FBXL4: variants seen among roughly 807,000 people sequenced by gnomAD.
FBXL4 encodes the protein F-box and leucine rich repeat protein 4.
FBXL4 carries 40 observed loss-of-function variants against 58.9 expected under a neutral mutation model. That is an observed-to-expected ratio of 0.68 (90% CI 0.53 to 0.88). The LOEUF (loss-of-function observed/expected upper bound fraction) is 0.88. Ranked by LOEUF, FBXL4 falls within the 40% of genes least tolerant of loss-of-function variation. The pLI, the probability that FBXL4 is intolerant of heterozygous loss-of-function variation, is 0.00. For missense variants in FBXL4, 676 were observed against 734.4 expected, an observed-to-expected ratio of 0.92 and a Z score of 0.92; for synonymous variants, 263 against 265.5, an observed-to-expected ratio of 0.99 and a Z score of 0.09.
intron 1 of FBXL4, among the ~76,000 whole-genome samples, chr6:98,944,961 A>C (rs561859942): frequency 6.6e-6 from 1 of 152,266 alleles, no homozygotes; most frequent in East Asian, 1.9e-4. Flanking sequence ...ATTTTCTGCC[A>C]GTTTCCATGA....
At chr6:98,930,740 C>T (rs915307914) in intron 2 of FBXL4, among the ~76,000 whole-genome samples, 1 of 152,048 alleles carries the variant, frequency 6.6e-6, no homozygotes, top group African/African-American at 2.4e-5. Flanking sequence ...AGCAAGACCC[C>T]GTCTCAAAAA....
At chr6:98,914,405 C>CA (rs560944839) in intron 5 of FBXL4, among the ~76,000 whole-genome samples, 83 of 152,116 alleles carry the variant, frequency 5.5e-4, no homozygotes, top group Middle Eastern at 6.8e-3. Context: ...AACATTGATG[C>CA]AAAAAAATCC....
chr6:98,942,591 C>A (rs892622196), intron 1 of FBXL4, among the ~76,000 whole-genome samples: 3 of 152,232 alleles, frequency 2.0e-5, no homozygotes, highest in South Asian at 2.1e-4. Flanking sequence ...GCTTTGCCTG[C>A]CACAATGATT....
intron 7 of FBXL4, among the ~76,000 whole-genome samples, chr6:98,889,784 C>G (rs1471049634): frequency 2.0e-5 from 3 of 151,762 alleles, no homozygotes; most frequent in Non-Finnish European, 4.4e-5. Flanking sequence ...TATGAAGTGC[C>G]ATTCAGTTAT....
chr6:98,945,487 G>A (rs1444105241), intron 1 of FBXL4, among the ~76,000 whole-genome samples: 2 of 152,086 alleles, frequency 1.3e-5, no homozygotes, highest in Admixed American at 6.6e-5. Context: ...ATGGAACAAG[G>A]TTACTGGGTA....
intron 6 of FBXL4, among the ~76,000 whole-genome samples, chr6:98,903,154 A>G (rs1771673709): frequency 6.6e-6 from 1 of 152,158 alleles, no homozygotes; most frequent in Non-Finnish European, 1.5e-5. Flanking sequence ...TATTACAAAT[A>G]AGTCTTCTTC....
chr6:98,947,639 G>A (rs1005289942), intron 1 of FBXL4, among the ~76,000 whole-genome samples, 167 bp downstream of exon 1: 4 of 152,144 alleles, frequency 2.6e-5, no homozygotes, highest in African/African-American at 9.6e-5. Flanking sequence ...GCGGAGGCGC[G>A]GGGGCGCGGG....
chr6:98,880,285 G>A (rs1050538408), intron 8 of FBXL4, among the ~76,000 whole-genome samples: 4 of 152,122 alleles, frequency 2.6e-5, no homozygotes, highest in South Asian at 2.1e-4. Context: ...TTAGCTTGTC[G>A]GAGACAACAT....
chr6:98,904,911 G>T (rs1771741620), intron 6 of FBXL4, among the ~76,000 whole-genome samples: 1 of 152,214 alleles, frequency 6.6e-6, no homozygotes, highest in Non-Finnish European at 1.5e-5. Context: ...GAAACACCTG[G>T]GCAGGTCTGC....
At chr6:98,936,772 G>C (rs1293890583) in intron 1 of FBXL4, among the ~76,000 whole-genome samples, 3 of 152,092 alleles carry the variant, frequency 2.0e-5, no homozygotes, top group Admixed American at 6.6e-5. Flanking sequence ...AAGCTTATGG[G>C]GAGTAAAAAA....
chr6:98,917,566 T>C lies in FBXL4; in HGVS notation c.666A>G (p.Ala222=), dbSNP rs781455701. The C allele has an allele frequency of 1.2e-6, 2 of 1,613,926 alleles. No homozygotes were observed. Among genetic ancestry groups the C allele is most frequent in the Middle Eastern group, 1.6e-4 (1 of 6,084 alleles). The part of the protein sequence containing the change: ...SLLEYYTELD[A]VVLHGVKDKP... ...TGTCCTTCACACCATGTAGCACAACTGCATCTAATTCAGTGTAATATTCCA... is the reference window on the plus strand; with the variant it reads ...TGTCCTTCACACCATGTAGCACAACCGCATCTAATTCAGTGTAATATTCCA... Residue 222 remains alanine, a synonymous_variant, in exon 5 of 10, where the codon GCA becomes GCG. Coordinates refer to ENST00000369244, the MANE Select transcript of FBXL4 (RefSeq NM_001278716.2).
At chr6:98,922,205 C>T (rs1215820898) in intron 4 of FBXL4, among the ~76,000 whole-genome samples, 1 of 152,262 alleles carries the variant, frequency 6.6e-6, no homozygotes, top group African/African-American at 2.4e-5. Context: ...GGATTACAGG[C>T]GTGAGCCACC....
At chr6:98,918,343 CT>C (rs1772450290) in intron 4 of FBXL4, among the ~76,000 whole-genome samples, 2 of 152,012 alleles carry the variant, frequency 1.3e-5, no homozygotes, top group Non-Finnish European at 2.9e-5. Context: ...GAATAACATT[CT>C]CCTATTCCTC....
intron 3 of FBXL4, among the ~76,000 whole-genome samples, chr6:98,927,342 C>T (rs1772831279): frequency 6.6e-6 from 1 of 151,994 alleles, no homozygotes; most frequent in African/African-American, 2.4e-5. Context: ...AAATTATAAC[C>T]ATCACTCAAG....
At position 98,881,085 on chromosome 6, in the gene FBXL4, G is replaced by A. The variant is rs1251271047; in HGVS notation, c.1318-461C>T. ...TGATCAGCTGCAGCTTGATGGAACT[G>A]CCAATAGAGTCACCCCAAATCAGGA... On this transcript the variant is annotated intron_variant, in intron 7 of 9. Coordinates refer to ENST00000369244, the MANE Select transcript of FBXL4 (RefSeq NM_001278716.2). Among the ~76,000 whole-genome samples the A allele has an allele frequency of 3.9e-5, 6 of 152,262 alleles. No homozygotes were observed. The East Asian group carries it at 5.8e-4, about 15-fold the overall frequency.
rs564625988 is a variant in FBXL4 at position 98,876,696 on chromosome 6, G to A, written c.1390-969C>T. Among the ~76,000 whole-genome samples, 3 of 152,290 alleles carry A rather than the reference G, an allele frequency of 2.0e-5. No homozygotes were observed. In the East Asian group the frequency reaches 5.8e-4, roughly 29 times the overall value. Reference sequence around the variant, plus strand: ...AATAATAAAACAGAGTGATGTGAGAGTGATCAGAGTGTCACGGGTTGAGGG... The same window carrying A: ...AATAATAAAACAGAGTGATGTGAGAATGATCAGAGTGTCACGGGTTGAGGG... On this transcript the variant is annotated intron_variant, in intron 8 of 9. Coordinates refer to ENST00000369244, the MANE Select transcript of FBXL4 (RefSeq NM_001278716.2).
At chr6:98,913,871 T>C (rs1279011467) in intron 5 of FBXL4, among the ~76,000 whole-genome samples, 1 of 151,894 alleles carries the variant, frequency 6.6e-6, no homozygotes, top group Admixed American at 6.6e-5. Context: ...AATTAATGAA[T>C]CCAGAAGCTG....
intron 6 of FBXL4, among the ~76,000 whole-genome samples, chr6:98,901,176 G>C (rs1771596668): frequency 6.6e-6 from 1 of 152,110 alleles, no homozygotes; most frequent in Admixed American, 6.5e-5. Context: ...AATAAAAGCA[G>C]GGAAGGGCAA....
chr6:98,911,417 T>TGG, intron 5 of FBXL4, among the ~76,000 whole-genome samples: 1 of 152,316 alleles, frequency 6.6e-6, no homozygotes, highest in Non-Finnish European at 1.5e-5. Flanking sequence ...GCAGCCTAAC[T>TGG]GGGAGGCACC....
Sources: gnomAD v4.1 joint callset for allele counts (sites outside exome capture counted in the v4.1 genomes callset) on GRCh38, gnomAD v4.1.1 for gene constraint, MANE v1.5 for transcripts, NCBI Gene and HGNC (gene_info 2026-07-23, HGNC 2026-07-21) for gene names.